The following CACNA1B variants were observed in gnomAD, a reference collection of about 807,000 sequenced individuals.
CACNA1B encodes calcium voltage-gated channel subunit alpha1 B, also known as voltage-dependent N-type calcium channel subunit alpha-1B.
In CACNA1B, 70 loss-of-function variants were observed where a neutral mutation model predicts 247.2. That is an observed-to-expected ratio of 0.28 (90% CI 0.23 to 0.35). The LOEUF (loss-of-function observed/expected upper bound fraction) is 0.35, where lower values mean the gene tolerates loss of function less well. Among genes scored for constraint, CACNA1B ranks in the 10% least tolerant of loss-of-function variants. The probability of loss-of-function intolerance (pLI) is 1.00; values close to 1 mark genes in which losing one functional copy is unlikely to be tolerated. For missense variants in CACNA1B, 2,367 were observed against 3,197.4 expected, an observed-to-expected ratio of 0.74 and a Z score of 6.26; for synonymous variants, 1,231 against 1,294.4, an observed-to-expected ratio of 0.95 and a Z score of 1.05.
In CACNA1B at chr9:138,058,557, C is replaced by T. The variant is rs1248780515; in HGVS notation, c.4309-12C>T. ...TGCTTCTGAGTCTCTGTGCTCCTTT[C>T]TCCCCTTACAGAGGGCTTGCATTGA... is the stretch of plus-strand genomic sequence containing the variant. On this transcript the variant is annotated splice_polypyrimidine_tract_variant and intron_variant, in intron 28 of 46. Coordinates refer to ENST00000371372, the MANE Select transcript of CACNA1B (RefSeq NM_000718.4). This position sits in a 1 kb window ranked among gnomAD's most constrained non-coding sequence, Gnocchi z 4.7. 6.2e-7 allele frequency: 1 copy of T among 1,604,154 alleles called. No homozygotes were observed. The highest frequency in any genetic ancestry group is 1.1e-5 in the South Asian group (1 of 89,740).
chr9:138,041,041 G>C (rs1959114269), intron 20 of CACNA1B, among the ~76,000 whole-genome samples: 1 of 152,104 alleles, frequency 6.6e-6, no homozygotes, highest in Admixed American at 6.5e-5. Context: ...AGATATCTTG[G>C]GAAACAATAG....
chr9:137,945,540 G>A lies in CACNA1B; in HGVS notation c.967-6734G>A, dbSNP rs145865505. On this transcript the variant is annotated intron_variant, in intron 6 of 46. Coordinates refer to ENST00000371372, the MANE Select transcript of CACNA1B (RefSeq NM_000718.4). The stretch of plus-strand genomic sequence containing the variant: ...CCTCTTGTCCCTGGCTGAAGGCCCC[G>A]ACTTCTAGCATCCTTATAATTTGAT... Among the ~76,000 whole-genome samples, 1,369 of 152,304 alleles carry A rather than the reference G, an allele frequency of 9.0e-3. 15 individuals are homozygous for A. The highest frequency in any genetic ancestry group is 0.015 in the Non-Finnish European group (1,037 of 68,034).
intron 3 of CACNA1B, among the ~76,000 whole-genome samples, chr9:137,886,708 C>A (rs1470528849): frequency 6.7e-6 from 1 of 148,430 alleles, no homozygotes; most frequent in South Asian, 2.2e-4. Context: ...AGAGAGCAGT[C>A]GGCGGGTGGA....
intron 36 of CACNA1B, among the ~76,000 whole-genome samples, chr9:138,085,539 C>G (rs1960666605): frequency 6.6e-6 from 1 of 151,096 alleles, no homozygotes; most frequent in African/African-American, 2.5e-5. Flanking sequence ...GCTCAACAGT[C>G]CCCCAATAGA....
chr9:137,885,323 G>A (rs562560856), intron 3 of CACNA1B, among the ~76,000 whole-genome samples: 8 of 152,158 alleles, frequency 5.3e-5, no homozygotes, highest in Admixed American at 4.6e-4. Flanking sequence ...CCCTGTGTGC[G>A]TATCTGTGTG....
rs201208237 is a variant in CACNA1B at position 137,956,766 on chromosome 9, C to T, written c.1187-5C>T. On this transcript the variant is annotated splice_region_variant and splice_polypyrimidine_tract_variant and intron_variant, in intron 8 of 46. Transcript: ENST00000371372. The stretch of plus-strand genomic sequence containing the variant: ...CTCTGACCTGAGGCTGTGTTCCCCT[C>T]GCAGAGGAAGTCATGCTGGCCGAGG... 42 of 1,613,334 alleles carry T rather than the reference C, an allele frequency of 2.6e-5. No homozygotes were observed. The highest frequency in any genetic ancestry group is 1.3e-4 in the East Asian group (6 of 44,872).
In CACNA1B at chr9:138,052,225, TGTGTGTGTGC is replaced by T. The variant is rs767363530; in HGVS notation, c.3807+47_3807+56del. ...GAGTTGGGGCTTGAGGGATGTGCTG[TGTGTGTGTGC>T]GTGTGTGTGTGTGCGTGTGTGTGTG... On this transcript the variant is annotated intron_variant, in intron 25 of 46. Coordinates refer to ENST00000371372, the MANE Select transcript of CACNA1B (RefSeq NM_000718.4). The surrounding 1 kb of genome is among the most constrained non-coding windows in gnomAD (Gnocchi z 5.1). 2.6e-6 allele frequency: 3 copies of T among 1,174,660 alleles called. No individual in the cohort carries two copies. Among genetic ancestry groups the T allele is most frequent in the East Asian group, 2.4e-5 (1 of 41,182 alleles). The allele number at this position is 1,174,660 out of a possible 1,614,324, so 72.8% of individuals were successfully genotyped here.
At chr9:138,042,024 G>T (rs544121427) in intron 20 of CACNA1B, among the ~76,000 whole-genome samples, 75 of 152,224 alleles carry the variant, frequency 4.9e-4, no homozygotes, top group African/African-American at 1.7e-3. Flanking sequence ...TCCCACCTTG[G>T]CCTCCCAACG....
Position 138,008,897 on chromosome 9 carries a change from C to T in CACNA1B, c.2093-1113C>T, listed in dbSNP as rs187448005. ...GCCTGCCGTCCCATAGAGGATTGCC[C>T]AGCCCCAAATGCCAGCAGGGCCTGG... On this transcript the variant is annotated intron_variant, in intron 16 of 46. Coordinates refer to ENST00000371372, the MANE Select transcript of CACNA1B (RefSeq NM_000718.4). 3.5e-4 allele frequency among the ~76,000 whole-genome samples: 53 copies of T among 152,318 alleles called. No individual in the cohort carries two copies. The East Asian group carries it at 9.6e-3, about 28-fold the overall frequency.
chr9:138,058,283 A>G lies in CACNA1B; in HGVS notation c.4308+33A>G, dbSNP rs755533710. The G allele has an allele frequency of 3.0e-5, 47 of 1,546,180 alleles. No individual in the cohort carries two copies. The South Asian group carries it at 3.9e-4, about 13-fold the overall frequency. Reference sequence around the variant, plus strand: ...GACGCTCTGTGGAGTCTTGCAGTGGACAGCGTGGGCAGCGCCATCAGGCTT... The same window carrying G: ...GACGCTCTGTGGAGTCTTGCAGTGGGCAGCGTGGGCAGCGCCATCAGGCTT... On this transcript the variant is annotated intron_variant, in intron 28 of 46. Coordinates refer to ENST00000371372, the MANE Select transcript of CACNA1B (RefSeq NM_000718.4). This position sits in a 1 kb window ranked among gnomAD's most constrained non-coding sequence, Gnocchi z 4.7.
chr9:137,995,330 A>G lies in CACNA1B; in HGVS notation c.1974+8476A>G, dbSNP rs1958485211. On this transcript the variant is annotated intron_variant, in intron 15 of 46. Transcript: ENST00000371372. ...AAAACACCATGGTACTGGTATAAAAATAGGTACATAGACCAATGGAAAAGA... is the reference window on the plus strand; with the variant it reads ...AAAACACCATGGTACTGGTATAAAAGTAGGTACATAGACCAATGGAAAAGA... 2.0e-5 allele frequency among the ~76,000 whole-genome samples: 3 copies of G among 152,244 alleles called. No homozygotes were observed. The South Asian group carries it at 6.2e-4, about 31-fold the overall frequency.
rs80025547 is a variant in CACNA1B at position 137,967,452 on chromosome 9, C to T, written c.1334-3931C>T. Among the ~76,000 whole-genome samples, 1,074 of 152,326 alleles carry T rather than the reference C, an allele frequency of 7.1e-3. 16 individuals carry two copies. Among genetic ancestry groups the T allele is most frequent in the African/African-American group, 0.025 (1,019 of 41,560 alleles). ...GCCCTCAGCTATCATTCCCGTGGCC[C>T]GCTCTCAGAGCCCTAACCTCAGTCA... On this transcript the variant is annotated intron_variant, in intron 10 of 46. Coordinates refer to ENST00000371372, the MANE Select transcript of CACNA1B (RefSeq NM_000718.4).
chr9:137,982,978 T>C (rs938850101), intron 12 of CACNA1B, among the ~76,000 whole-genome samples: 1 of 152,180 alleles, frequency 6.6e-6, no homozygotes, highest in Admixed American at 6.5e-5. Flanking sequence ...GCACAGCCAT[T>C]CCCAGACATG....
intron 20 of CACNA1B, among the ~76,000 whole-genome samples, chr9:138,042,458 C>CA (rs1959136505): frequency 6.6e-6 from 1 of 150,932 alleles, no homozygotes; most frequent in African/African-American, 2.4e-5. Context: ...TCAAATTAAA[C>CA]AAAAACAAAA....
intron 20 of CACNA1B, 148 bp downstream of exon 20, chr9:138,025,320 A>C: frequency 1.6e-6 from 1 of 621,460 alleles, no homozygotes; most frequent in Non-Finnish European, 2.9e-6. Flanking sequence ...TTTGCTGTCA[A>C]CATCTGTCCC....
At position 138,012,557 on chromosome 9, in the gene CACNA1B, A is replaced by T. The variant is rs1958737618; in HGVS notation, c.2161-572A>T. ...CTAGGAATTCAAGAAAAATTAAATT[A>T]AAAAAATTTAGCCAGTCGTGATGAC... is the stretch of plus-strand genomic sequence containing the variant. On this transcript the variant is annotated intron_variant, in intron 17 of 46. Coordinates refer to ENST00000371372, the MANE Select transcript of CACNA1B (RefSeq NM_000718.4). The surrounding 1 kb of genome is among the most constrained non-coding windows in gnomAD (Gnocchi z 4.2). Among the ~76,000 whole-genome samples the T allele has an allele frequency of 6.6e-6, 1 of 151,926 alleles. No homozygotes were observed. The highest frequency in any genetic ancestry group is 1.5e-5 in the Non-Finnish European group (1 of 68,000).
At position 137,981,677 on chromosome 9, in the gene CACNA1B, C is replaced by T. The variant is rs369594708; in HGVS notation, c.1657-2461C>T. Among the ~76,000 whole-genome samples the T allele has an allele frequency of 7.9e-5, 12 of 152,318 alleles. No homozygotes were observed. In the East Asian group the frequency reaches 1.7e-3, roughly 22 times the overall value. On this transcript the variant is annotated intron_variant, in intron 12 of 46. Transcript: ENST00000371372. The stretch of plus-strand genomic sequence containing the variant: ...TATTTTTAGTAGAGATGGGGTTTCA[C>T]CATGTTGGTCGGGCTGGTCCCGAAC...
intron 6 of CACNA1B, among the ~76,000 whole-genome samples, chr9:137,929,204 T>G (rs926704298): frequency 5.9e-5 from 9 of 152,204 alleles, no homozygotes; most frequent in Non-Finnish European, 1.3e-4. Flanking sequence ...ATACCAGCAG[T>G]GCACAAGGGC....
intron 3 of CACNA1B, among the ~76,000 whole-genome samples, chr9:137,885,188 C>A (rs1301433620): frequency 4.6e-5 from 7 of 151,350 alleles, no homozygotes; most frequent in African/African-American, 1.7e-4. Context: ...CTCCAGGCAG[C>A]CTGGGTTGTG....
Sources: gnomAD v4.1 joint callset for allele counts (sites outside exome capture counted in the v4.1 genomes callset) on GRCh38, gnomAD v4.1.1 for gene constraint, Gnocchi (gnomAD v3.1) non-coding constraint, MANE v1.5 for transcripts, NCBI Gene and HGNC (gene_info 2026-07-23, HGNC 2026-07-21) for gene names.